The following ERBB4 variants were observed in gnomAD, a reference collection of about 807,000 sequenced individuals.
ERBB4 encodes receptor tyrosine-protein kinase erbB-4.
In ERBB4, 42 loss-of-function variants were observed where a neutral mutation model predicts 158.0. The ratio of observed to expected loss-of-function variants is 0.27; its 90% CI spans 0.21 to 0.34. The LOEUF (loss-of-function observed/expected upper bound fraction) is 0.34, where lower values mean the gene tolerates loss of function less well. Among genes scored for constraint, ERBB4 ranks in the 10% least tolerant of loss-of-function variants. ERBB4 has a pLI of 1.00. For missense variants in ERBB4, 1,333 were observed against 1,624.1 expected (o/e 0.82, Z 3.08); for synonymous variants, 583 against 558.7 (o/e 1.04, Z -0.61).
At chr2:211,643,794 A>T (rs2070690575) in intron 16 of ERBB4, among the ~76,000 whole-genome samples, 1 of 152,042 alleles carries the variant, frequency 6.6e-6, no homozygotes, top group Admixed American at 6.6e-5. Context: ...TTTGTAAGTA[A>T]CACTAAGTAG....
At chr2:212,481,364 A>T (rs1689688495) in intron 1 of ERBB4, among the ~76,000 whole-genome samples, 1 of 152,202 alleles carries the variant, frequency 6.6e-6, no homozygotes, top group African/African-American at 2.4e-5. Flanking sequence ...TATTTAAAAA[A>T]TCACTCTATG....
At chr2:211,690,233 C>T (rs925329912) in intron 12 of ERBB4, among the ~76,000 whole-genome samples, 1 of 151,882 alleles carries the variant, frequency 6.6e-6, no homozygotes. Flanking sequence ...TATGATATTC[C>T]ATAAACTTTT....
chr2:212,291,469 T>A (rs1324806607), intron 1 of ERBB4, among the ~76,000 whole-genome samples: 1 of 152,134 alleles, frequency 6.6e-6, no homozygotes, highest in African/African-American at 2.4e-5. Context: ...ATTTTGTTGT[T>A]AATGCTAAAT....
chr2:212,057,004 A>T (rs1294689862), intron 2 of ERBB4, among the ~76,000 whole-genome samples: 1 of 152,150 alleles, frequency 6.6e-6, no homozygotes, highest in Admixed American at 6.5e-5. Flanking sequence ...AAGAGTCAAG[A>T]CTCATCAGTG....
chr2:212,311,918 G>A (rs543597588), intron 1 of ERBB4, among the ~76,000 whole-genome samples: 3 of 151,028 alleles, frequency 2.0e-5, no homozygotes, highest in East Asian at 2.0e-4. Flanking sequence ...TCAACTCCTG[G>A]TGAATAAATA....
At chr2:211,574,590 G>A (rs2067836902) in intron 19 of ERBB4, among the ~76,000 whole-genome samples, 2 of 152,140 alleles carry the variant, frequency 1.3e-5, no homozygotes, top group South Asian at 4.1e-4. Context: ...GAATTGATGT[G>A]AAAAATTCTT....
intron 1 of ERBB4, among the ~76,000 whole-genome samples, chr2:212,437,295 A>G (rs146694319): frequency 5.9e-5 from 9 of 152,106 alleles, no homozygotes; most frequent in East Asian, 1.9e-4. Context: ...GATTTCCCTT[A>G]CTCCTACCTG....
chr2:211,879,998 T>C (rs1442593011), intron 3 of ERBB4, among the ~76,000 whole-genome samples: 1 of 150,664 alleles, frequency 6.6e-6, no homozygotes, highest in Non-Finnish European at 1.5e-5. Flanking sequence ...AAAATAAATA[T>C]ATAAATAAAG....
chr2:211,921,022 G>A (rs1434773853), intron 3 of ERBB4, among the ~76,000 whole-genome samples: 1 of 151,882 alleles, frequency 6.6e-6, no homozygotes. Context: ...AGATATAAAT[G>A]TTTTTAAGAT....
intron 1 of ERBB4, among the ~76,000 whole-genome samples, chr2:212,406,455 A>T (rs529328350): frequency 6.6e-6 from 1 of 152,338 alleles, no homozygotes; most frequent in South Asian, 2.1e-4. Context: ...AGAACAGCAC[A>T]CATGGCTGAA....
chr2:212,262,794 C>T (rs562739161), intron 1 of ERBB4, among the ~76,000 whole-genome samples: 37 of 152,134 alleles, frequency 2.4e-4, no homozygotes, highest in Non-Finnish European at 4.3e-4. Flanking sequence ...TTATGGAACA[C>T]ATATAACAAA....
chr2:212,192,958 T>G (rs1000719587), intron 1 of ERBB4, among the ~76,000 whole-genome samples: 2 of 152,150 alleles, frequency 1.3e-5, no homozygotes. Flanking sequence ...AAGAAGCTAA[T>G]GATAGTTTTT....
intron 1 of ERBB4, among the ~76,000 whole-genome samples, chr2:212,430,397 G>A (rs144953790): frequency 1.3e-5 from 2 of 150,958 alleles, no homozygotes; most frequent in Non-Finnish European, 2.9e-5. Context: ...TCTACAGTCA[G>A]TTATGTCTCT....
At chr2:211,594,471 G>A (rs1397421043) in intron 19 of ERBB4, among the ~76,000 whole-genome samples, 1 of 151,586 alleles carries the variant, frequency 6.6e-6, no homozygotes, top group Non-Finnish European at 1.5e-5. Context: ...AAAAAACTAA[G>A]CAATAATTTG....
At chr2:211,422,488 CAAAAAAAA>C (rs57602784) in intron 23 of ERBB4, among the ~76,000 whole-genome samples, 1 of 102,442 alleles carries the variant, frequency 9.8e-6, no homozygotes, top group Admixed American at 9.9e-5. Flanking sequence ...TCCTGGTGGA[CAAAAAAAA>C]AAAAAAAAAA....
intron 3 of ERBB4, among the ~76,000 whole-genome samples, chr2:211,895,911 T>C (rs769216499): frequency 6.6e-5 from 10 of 152,176 alleles, no homozygotes; most frequent in Non-Finnish European, 1.0e-4. Flanking sequence ...TCATGAACAG[T>C]TGTTCAGTCT....
chr2:212,247,206 C>T (rs1398315580), intron 1 of ERBB4, among the ~76,000 whole-genome samples: 2 of 152,076 alleles, frequency 1.3e-5, no homozygotes, highest in African/African-American at 4.8e-5. Flanking sequence ...ATTGTATCTT[C>T]CAATTAGTAT....
At chr2:212,453,633 C>CT (rs1688123265) in intron 1 of ERBB4, among the ~76,000 whole-genome samples, 1 of 152,028 alleles carries the variant, frequency 6.6e-6, no homozygotes, top group Admixed American at 6.6e-5. Context: ...ACGAGGTATG[C>CT]TTTTTAATGT....
rs1402408026 is a variant in ERBB4 at position 212,162,995 on chromosome 2, T to A, written c.83-38092A>T. ...GCATTTGAGAACAGGAATGCCAAAC[T>A]TTTTTACTCACATCAGCATTCTTCT... On this transcript the variant is annotated intron_variant, in intron 1 of 27. Transcript: ENST00000342788. Among the ~76,000 whole-genome samples the A allele has an allele frequency of 3.3e-5, 5 of 152,064 alleles. No individual in the cohort carries two copies. In the East Asian group the frequency reaches 7.8e-4, roughly 24 times the overall value.
Sources: gnomAD v4.1 joint callset for allele counts (sites outside exome capture counted in the v4.1 genomes callset) on GRCh38, gnomAD v4.1.1 for gene constraint, MANE v1.5 for transcripts, NCBI Gene and HGNC (gene_info 2026-07-23, HGNC 2026-07-21) for gene names.